FNIP2: variants seen among roughly 807,000 people sequenced by gnomAD.
FNIP2 encodes the protein folliculin-interacting protein 2.
FNIP2 carries 32 observed loss-of-function variants against 108.7 expected under a neutral mutation model. That is an observed-to-expected ratio of 0.29 (90% confidence interval 0.22 to 0.40). The LOEUF is 0.40. Ranked by LOEUF, FNIP2 falls within the 10% of genes least tolerant of loss-of-function variation. The probability of loss-of-function intolerance (pLI) is 1.00; values close to 1 mark genes in which losing one functional copy is unlikely to be tolerated. For synonymous variants in FNIP2, 480 were observed against 496.7 expected (o/e 0.97, Z 0.45); for missense variants, 1,202 against 1,381.6 (o/e 0.87, Z 2.06).
At chr4:158,801,123 A>G (rs901095610) in intron 1 of FNIP2, among the ~76,000 whole-genome samples, 55 of 152,130 alleles carry the variant, frequency 3.6e-4, no homozygotes, top group African/African-American at 1.3e-3. Context: ...TAAAAAAAAA[A>G]TCACTCTGCC....
At position 158,845,864 on chromosome 4, in the gene FNIP2, A is replaced by AG. The variant is rs200229423; in HGVS notation, c.728-5456dup. Among the ~76,000 whole-genome samples the AG allele has an allele frequency of 8.3e-3, 1,267 of 152,402 alleles. 8 individuals are homozygous for AG. Among genetic ancestry groups the AG allele is most frequent in the Non-Finnish European group, 0.014 (940 of 68,038 alleles). On this transcript the variant is annotated intron_variant, in intron 7 of 16. Transcript: ENST00000264433. ...TACTTTTGATGAGGAAACGCTGGAT[A>AG]GCACTAAGCCAACACTGTAATATAA...
chr4:158,826,153 T>A lies in FNIP2; in HGVS notation c.234+111T>A, dbSNP rs866367429. The A allele has an allele frequency of 5.1e-5, 71 of 1,386,818 alleles. No homozygotes were observed. In the African/African-American group the frequency reaches 8.9e-4, roughly 17 times the overall value. 85.9% of individuals were successfully genotyped at this position (1,386,818 alleles called of 1,614,324 possible). ...CTTTGAGTTATATTATACAGTGCCATTAATGGTTCAGAAGAAACATAAGCA... is the reference window on the plus strand; with the variant it reads ...CTTTGAGTTATATTATACAGTGCCAATAATGGTTCAGAAGAAACATAAGCA... On this transcript the variant is annotated intron_variant, in intron 2 of 16. Coordinates refer to ENST00000264433, the MANE Select transcript of FNIP2 (RefSeq NM_020840.3).
intron 1 of FNIP2, among the ~76,000 whole-genome samples, chr4:158,784,253 A>G (rs1776144413): frequency 1.3e-5 from 2 of 152,206 alleles, no homozygotes; most frequent in Non-Finnish European, 2.9e-5. Context: ...CCGTCCTCCA[A>G]AATTACTTCT....
chr4:158,804,956 G>C (rs1389957137), intron 1 of FNIP2, among the ~76,000 whole-genome samples: 3 of 152,100 alleles, frequency 2.0e-5, no homozygotes, highest in African/African-American at 7.2e-5. Flanking sequence ...TCTCAGGAGA[G>C]GGTGAATTTC....
At chr4:158,847,913 C>T (rs550052363) in intron 7 of FNIP2, among the ~76,000 whole-genome samples, 4 of 152,278 alleles carry the variant, frequency 2.6e-5, no homozygotes, top group Admixed American at 6.5e-5. Context: ...ACTCCTCTGC[C>T]TGGGGACAGG....
In FNIP2 at chr4:158,868,749, G is replaced by A. The variant is rs775925478; in HGVS notation, c.2113G>A (p.Asp705Asn). ...PDRSVAWPCP[D>N]RHLREKPSLE... ...CCGGTCAGTGGCCTGGCCTTGCCCTGACAGACATCTCCGGGAGAAACCTTC... is the reference window on the plus strand; with the variant it reads ...CCGGTCAGTGGCCTGGCCTTGCCCTAACAGACATCTCCGGGAGAAACCTTC... The change falls in exon 13 of 17, where the codon GAC becomes AAC. Residue 705 changes from aspartate (D) to asparagine (N), a missense_variant. This residue lies in a region of FNIP2 where 878 missense variants were observed against 990.3 expected (regional missense o/e 0.89). Transcript: ENST00000264433. The surrounding 1 kb of genome is among the most constrained non-coding windows in gnomAD (Gnocchi z 4.6). 1 of 1,613,824 alleles carries A rather than the reference G, an allele frequency of 6.2e-7. No individual in the cohort carries two copies. Among genetic ancestry groups the A allele is most frequent in the African/African-American group, 1.3e-5 (1 of 74,932 alleles).
rs199714823 is a variant in FNIP2 at position 158,791,266 on chromosome 4, C to CTTTTTTTTTTTTTTTTTTT, written c.107+21958_107+21976dup. Among the ~76,000 whole-genome samples, 8 of 98,048 alleles carry CTTTTTTTTTTTTTTTTTTT rather than the reference C, an allele frequency of 8.2e-5. 1 individual carries two copies. The highest frequency in any genetic ancestry group is 9.5e-5 in the Non-Finnish European group (5 of 52,386). The allele number at this position is 98,048 out of a possible 152,430, so 64.3% of individuals were successfully genotyped here. On this transcript the variant is annotated intron_variant, in intron 1 of 16. Transcript: ENST00000264433. Reference sequence around the variant, plus strand: ...AGATGTTCCTTCTGCACTGAGGATCCTTTTTTTTTTTTTTTTTTTTTTTTT... The same window carrying CTTTTTTTTTTTTTTTTTTT: ...AGATGTTCCTTCTGCACTGAGGATCCTTTTTTTTTTTTTTTTTTTTTTTTTTTTTTTTTTTTTTTTTTTT...
chr4:158,784,600 G>A (rs962339084), intron 1 of FNIP2, among the ~76,000 whole-genome samples: 2 of 152,324 alleles, frequency 1.3e-5, no homozygotes, highest in Non-Finnish European at 2.9e-5. Flanking sequence ...TGGGGTTGAT[G>A]GGAGATAGTG....
intron 1 of FNIP2, 30 bp downstream of exon 1, chr4:158,769,349 G>T: frequency 6.9e-7 from 1 of 1,442,326 alleles, no homozygotes; most frequent in African/African-American, 1.5e-5. Flanking sequence ...CAATTCTGGC[G>T]CGGGACCCGA....
chr4:158,903,024 C>T lies in FNIP2; in HGVS notation c.3267-1442C>T, dbSNP rs372713820. 1.1e-4 allele frequency among the ~76,000 whole-genome samples: 17 copies of T among 152,286 alleles called. No individual in the cohort carries two copies. In the East Asian group the frequency reaches 2.9e-3, roughly 26 times the overall value. Reference sequence around the variant, plus strand: ...TGTCTCGCTAGCATTCCGGGTGCCACTGAGGTATGGAAAAAAAACTCTTGC... The same window carrying T: ...TGTCTCGCTAGCATTCCGGGTGCCATTGAGGTATGGAAAAAAAACTCTTGC... On this transcript the variant is annotated intron_variant, in intron 16 of 16. Coordinates refer to ENST00000264433, the MANE Select transcript of FNIP2 (RefSeq NM_020840.3).
chr4:158,805,874 G>T (rs1423433703), intron 1 of FNIP2, among the ~76,000 whole-genome samples: 2 of 152,200 alleles, frequency 1.3e-5, no homozygotes, highest in Non-Finnish European at 2.9e-5. Context: ...TGCTCAACCT[G>T]TTAAATGTCT....
intron 16 of FNIP2, among the ~76,000 whole-genome samples, chr4:158,901,155 CAG>C (rs1368057984): frequency 2.8e-5 from 3 of 107,032 alleles, no homozygotes; most frequent in Non-Finnish European, 5.5e-5. Context: ...TTTTTTGAGA[CAG>C]AGTCTTGCTC....
intron 8 of FNIP2, among the ~76,000 whole-genome samples, chr4:158,857,780 C>CAAAAAAAAAAAAAAA (rs35070873): frequency 7.3e-6 from 1 of 137,104 alleles, no homozygotes; most frequent in Non-Finnish European, 1.6e-5. Context: ...CCATCTCTAC[C>CAAAAAAAAAAAAAAA]AAAAAAAAAA....
At position 158,769,107 on chromosome 4, in the gene FNIP2, G is replaced by A. The variant is rs1384712087; in HGVS notation, c.-106G>A. ...CGGCCCCGCGCTCCCGCAAGGCTGG[G>A]CGGCCGCGCCGCCGCGATGGCCCCG... On this transcript the variant is annotated 5_prime_UTR_variant, in exon 1 of 17. Coordinates refer to ENST00000264433, the MANE Select transcript of FNIP2 (RefSeq NM_020840.3). 1 of 297,752 alleles carries A rather than the reference G, an allele frequency of 3.4e-6. No individual in the cohort carries two copies. Among genetic ancestry groups the A allele is most frequent in the Non-Finnish European group, 4.9e-6 (1 of 204,164 alleles). 18.4% of individuals were successfully genotyped at this position (297,752 alleles called of 1,614,324 possible).
intron 8 of FNIP2, among the ~76,000 whole-genome samples, chr4:158,852,880 C>T (rs1289151839): frequency 5.3e-5 from 8 of 151,990 alleles, no homozygotes; most frequent in Admixed American, 5.2e-4. Flanking sequence ...AATAATACAC[C>T]TAAAATAAGT....
chr4:158,877,558 AC>A (rs1374665543), intron 14 of FNIP2, among the ~76,000 whole-genome samples: 1 of 152,114 alleles, frequency 6.6e-6, no homozygotes, highest in Non-Finnish European at 1.5e-5. Flanking sequence ...TGTGATTGTT[AC>A]CCCTTCTGGT....
chr4:158,877,213 G>A (rs888139679), intron 14 of FNIP2, among the ~76,000 whole-genome samples: 5 of 152,092 alleles, frequency 3.3e-5, no homozygotes, highest in South Asian at 4.1e-4. Context: ...AGTTATGTAC[G>A]GTATCTTCAA....
At chr4:158,801,943 C>G (rs971202035) in intron 1 of FNIP2, among the ~76,000 whole-genome samples, 1 of 152,184 alleles carries the variant, frequency 6.6e-6, no homozygotes, top group African/African-American at 2.4e-5. Context: ...CTGGATCTGT[C>G]TCCAAAGCCC....
rs1307710048 is a variant in FNIP2, at chr4:158,861,451, G to C, written c.1258G>C (p.Glu420Gln). 1.2e-6 allele frequency: 2 copies of C among 1,613,846 alleles called. No homozygotes were observed. Among genetic ancestry groups the C allele is most frequent in the African/African-American group, 2.7e-5 (2 of 74,920 alleles). The change falls in exon 11 of 17, where the codon GAG (glutamate) becomes CAG (glutamine). Residue 420 changes from glutamate to glutamine, a missense_variant. Glu to Gln is a conservative substitution (Grantham distance 29). This residue lies in a region of FNIP2 where 878 missense variants were observed against 990.3 expected (regional missense o/e 0.89). Coordinates refer to ENST00000264433, the MANE Select transcript of FNIP2 (RefSeq NM_020840.3). ...CCAGCTCTGCCAGCGCTTTCTCAAG[G>C]AGTTTACACTTCTGATAGAACAGAT... The part of the protein sequence containing the change: ...KNQLCQRFLK[E>Q]FTLLIEQINK...
Sources: gnomAD v4.1 joint callset for allele counts (sites outside exome capture counted in the v4.1 genomes callset) on GRCh38, gnomAD v4.1.1 for gene constraint, gnomAD v4.1.1 regional missense constraint, Gnocchi (gnomAD v3.1) non-coding constraint, MANE v1.5 for transcripts, NCBI Gene and HGNC (gene_info 2026-07-23, HGNC 2026-07-21) for gene names.